Variants in CSMD1 observed in about 807,000 individuals in gnomAD.
CSMD1 encodes the protein CUB and Sushi multiple domains 1.
Under a neutral mutation model 417.5 loss-of-function variants are expected in CSMD1, and 213 were observed. The observed-to-expected ratio is 0.51, with a 90% CI of 0.46 to 0.57. CSMD1 has a LOEUF of 0.57. Among genes scored for constraint, CSMD1 ranks in the 20% least tolerant of loss-of-function variants. The pLI is 0.00. For missense variants in CSMD1, 6,923 were observed against 4,529.7 expected (o/e 1.53, Z -15.17); for synonymous variants, 2,862 against 1,736.8 (o/e 1.65, Z -16.11).
intron 5 of CSMD1, among the ~76,000 whole-genome samples, chr8:3,983,180 G>C (rs1186652653): frequency 9.0e-5 from 13 of 144,426 alleles, no homozygotes; most frequent in African/African-American, 2.6e-4. Flanking sequence ...ACCCAGGCTG[G>C]AGTGCAGTGG....
intron 1 of CSMD1, among the ~76,000 whole-genome samples, chr8:4,645,444 CA>C (rs549511320): frequency 0.017 from 609 of 36,780 alleles, 3 homozygotes; most frequent in African/African-American, 0.063. Context: ...AGTGCAGGGG[CA>C]AAAAAAAAAA....
intron 49 of CSMD1, among the ~76,000 whole-genome samples, chr8:3,078,651 G>C (rs923413683): frequency 6.6e-6 from 1 of 152,244 alleles, no homozygotes; most frequent in African/African-American, 2.4e-5. Context: ...TAAAGACAAA[G>C]AATATGCCAC....
At chr8:3,559,632 A>T (rs577490331) in intron 10 of CSMD1, among the ~76,000 whole-genome samples, 1 of 152,298 alleles carries the variant, frequency 6.6e-6, no homozygotes, top group Admixed American at 6.5e-5. Context: ...GATTATCTTG[A>T]GATTAAAGCA....
intron 3 of CSMD1, among the ~76,000 whole-genome samples, chr8:4,194,663 A>C (rs2131227625): frequency 6.6e-6 from 1 of 152,286 alleles, no homozygotes; most frequent in South Asian, 2.1e-4. Context: ...AAAAACATTT[A>C]ATAAAATGGG....
intron 4 of CSMD1, among the ~76,000 whole-genome samples, chr8:4,029,208 A>T (rs1186532749): frequency 6.6e-6 from 1 of 152,242 alleles, no homozygotes; most frequent in Non-Finnish European, 1.5e-5. Flanking sequence ...AGAGGTGATG[A>T]AAATAGGCAG....
At chr8:4,907,137 G>T (rs988293467) in intron 1 of CSMD1, among the ~76,000 whole-genome samples, 3 of 152,162 alleles carry the variant, frequency 2.0e-5, no homozygotes, top group African/African-American at 7.2e-5. Flanking sequence ...AAGAGTTAGG[G>T]AATAATGATG....
intron 1 of CSMD1, among the ~76,000 whole-genome samples, chr8:4,917,564 G>A (rs573133445): frequency 1.6e-4 from 24 of 152,298 alleles, no homozygotes; most frequent in African/African-American, 5.8e-4. Flanking sequence ...AACCCAGGAA[G>A]CGGAGGTTGC....
chr8:4,985,501 T>C, intron 1 of CSMD1, among the ~76,000 whole-genome samples: 1 of 152,204 alleles, frequency 6.6e-6, no homozygotes, highest in East Asian at 1.9e-4. Context: ...AGTATAATCC[T>C]TTTCAAGAGT....
At chr8:4,127,835 T>C (rs1442353990) in intron 3 of CSMD1, among the ~76,000 whole-genome samples, 1 of 152,192 alleles carries the variant, frequency 6.6e-6, no homozygotes, top group Non-Finnish European at 1.5e-5. Flanking sequence ...TTCTTATTAT[T>C]ATTGTTACTG....
intron 5 of CSMD1, among the ~76,000 whole-genome samples, chr8:3,897,248 G>T (rs377632125): frequency 2.0e-5 from 3 of 152,164 alleles, no homozygotes; most frequent in African/African-American, 7.2e-5. Context: ...TTTCTACAGA[G>T]ACAACGGTCA....
intron 1 of CSMD1, among the ~76,000 whole-genome samples, chr8:4,871,448 C>T (rs1802733895): frequency 1.3e-5 from 2 of 152,070 alleles, no homozygotes; most frequent in Admixed American, 1.3e-4. Context: ...TCCCGCTGAG[C>T]CACATAAAGA....
Position 3,529,603 on chromosome 8 carries a change from C to G in CSMD1, c.1345-35877G>C, listed in dbSNP as rs927553196. Among the ~76,000 whole-genome samples the G allele has an allele frequency of 5.3e-5, 8 of 152,344 alleles. No homozygotes were observed. In the East Asian group the frequency reaches 1.2e-3, roughly 22 times the overall value. The stretch of plus-strand genomic sequence containing the variant: ...ATCACAGGAATGCGATGCACATCTT[C>G]TGACGCCTAGTTCGTGATTTGTCAA... On this transcript the variant is annotated intron_variant, in intron 10 of 69. Coordinates refer to ENST00000635120, the MANE Select transcript of CSMD1 (RefSeq NM_033225.6).
chr8:4,661,392 C>T lies in CSMD1; in HGVS notation c.86-23834G>A, dbSNP rs544477073. Among the ~76,000 whole-genome samples, 12 of 152,202 alleles carry T rather than the reference C, an allele frequency of 7.9e-5. No individual in the cohort carries two copies. In the South Asian group the frequency reaches 1.5e-3, roughly 18 times the overall value. ...TGAGTATACAAAGCCAATCCTCAAA[C>T]GTTGTATGCTATAGGATTCGATTTT... On this transcript the variant is annotated intron_variant, in intron 1 of 69. Transcript: ENST00000635120.
intron 3 of CSMD1, among the ~76,000 whole-genome samples, chr8:4,035,184 G>A (rs947781753): frequency 3.3e-5 from 5 of 151,954 alleles, no homozygotes; most frequent in South Asian, 2.1e-4. Flanking sequence ...TGTTGTAGCC[G>A]TCATGAGGTC....
intron 3 of CSMD1, among the ~76,000 whole-genome samples, chr8:4,236,902 A>C (rs1802099165): frequency 1.3e-5 from 2 of 152,228 alleles, no homozygotes; most frequent in Admixed American, 6.5e-5. Flanking sequence ...TTCAATTTCC[A>C]GGCCTCTCAG....
At chr8:3,814,593 G>T (rs75395607) in intron 5 of CSMD1, among the ~76,000 whole-genome samples, 3,302 of 152,224 alleles carry the variant, frequency 0.022, 132 homozygotes, top group African/African-American at 0.074. Flanking sequence ...TAAGGCCATG[G>T]GTGCTGCTGG....
chr8:3,854,523 T>C (rs141822997), intron 5 of CSMD1, among the ~76,000 whole-genome samples: 201 of 152,266 alleles, frequency 1.3e-3, no homozygotes, highest in African/African-American at 4.6e-3. Context: ...GTGGCTTAAC[T>C]GCACGGGTTA....
At chr8:4,367,071 T>C (rs1245276988) in intron 3 of CSMD1, among the ~76,000 whole-genome samples, 4 of 152,210 alleles carry the variant, frequency 2.6e-5, no homozygotes, top group African/African-American at 7.2e-5. Context: ...TGTCAATTTT[T>C]ATTTTTATTG....
chr8:4,001,589 T>G (rs1815677512), intron 4 of CSMD1, among the ~76,000 whole-genome samples: 1 of 152,204 alleles, frequency 6.6e-6, no homozygotes, highest in Admixed American at 6.5e-5. Flanking sequence ...GTGGCTGAGC[T>G]GGATAAACTG....
Sources: allele counts gnomAD v4.1 joint callset (sites outside exome capture counted in the v4.1 genomes callset), GRCh38; gene constraint gnomAD v4.1.1; transcripts MANE v1.5; gene names NCBI Gene and HGNC (gene_info 2026-07-23, HGNC 2026-07-21).